The following APBB2 variants were observed in gnomAD, a reference collection of about 807,000 sequenced individuals.
The protein encoded by APBB2 is Fe65-like 1.
In APBB2, 38 loss-of-function variants were observed where a neutral mutation model predicts 82.5. That is an observed-to-expected ratio of 0.46 (90% CI 0.36 to 0.60). APBB2 has a LOEUF of 0.60. APBB2 is among the 20% of genes least tolerant of loss of function. The probability of loss-of-function intolerance (pLI) is 0.00; values close to 1 mark genes in which losing one functional copy is unlikely to be tolerated. For missense variants in APBB2, 772 were observed against 972.3 expected, an observed-to-expected ratio of 0.79 and a Z score of 2.74; for synonymous variants, 341 against 368.2, an observed-to-expected ratio of 0.93 and a Z score of 0.85.
intron 4 of APBB2, among the ~76,000 whole-genome samples, chr4:41,036,739 A>T (rs909315775): frequency 6.6e-6 from 1 of 152,210 alleles, no homozygotes; most frequent in Non-Finnish European, 1.5e-5. Flanking sequence ...AGGTAGATAA[A>T]CATTTATTAA....
chr4:40,948,038 A>T (rs1205373027), intron 6 of APBB2, among the ~76,000 whole-genome samples: 1 of 152,238 alleles, frequency 6.6e-6, no homozygotes, highest in Non-Finnish European at 1.5e-5. Flanking sequence ...GACTCCCAAG[A>T]CTTACTAACA....
chr4:41,072,638 A>G (rs1186029177), intron 3 of APBB2, among the ~76,000 whole-genome samples: 9 of 152,230 alleles, frequency 5.9e-5, no homozygotes, highest in African/African-American at 2.2e-4. Flanking sequence ...GGGAATTCAA[A>G]TAGTGTTCCT....
At chr4:40,973,078 C>G (rs1796345857) in intron 6 of APBB2, among the ~76,000 whole-genome samples, 1 of 152,202 alleles carries the variant, frequency 6.6e-6, no homozygotes. Context: ...ATACATACCC[C>G]TTTTATCCCA....
intron 12 of APBB2, among the ~76,000 whole-genome samples, chr4:40,863,085 G>T (rs1450950379): frequency 1.3e-5 from 2 of 152,198 alleles, no homozygotes; most frequent in Non-Finnish European, 2.9e-5. Flanking sequence ...TGGAGGATGG[G>T]ATGCTGCAGC....
At chr4:40,934,990 G>A in intron 8 of APBB2, 87 bp downstream of exon 8, 2 of 1,114,272 alleles carry the variant, frequency 1.8e-6, no homozygotes, top group Admixed American at 4.6e-5. Context: ...CAGAATGCAT[G>A]ATATTCACAA....
intron 2 of APBB2, among the ~76,000 whole-genome samples, chr4:41,104,959 A>G (rs1580072461): frequency 1.3e-5 from 2 of 152,294 alleles, no homozygotes; most frequent in South Asian, 2.1e-4. Context: ...CACTAGCAGC[A>G]TATTTAAGTG....
At chr4:41,030,425 C>A (rs1185366815) in intron 5 of APBB2, among the ~76,000 whole-genome samples, 6 of 152,158 alleles carry the variant, frequency 3.9e-5, no homozygotes, top group Non-Finnish European at 7.3e-5. Flanking sequence ...CAGGGTCTCA[C>A]TATGTTGCCC....
At chr4:40,981,828 G>C (rs1167559856) in intron 6 of APBB2, among the ~76,000 whole-genome samples, 2 of 152,092 alleles carry the variant, frequency 1.3e-5, no homozygotes, top group African/African-American at 4.8e-5. Context: ...AACTTGCCAG[G>C]CACAGTGGCT....
intron 1 of APBB2, among the ~76,000 whole-genome samples, chr4:41,201,325 G>A (rs182197182): frequency 6.6e-6 from 1 of 152,180 alleles, no homozygotes; most frequent in Admixed American, 6.5e-5. Flanking sequence ...AAAAGGGAGG[G>A]GAGACAGGTA....
At chr4:40,880,716 C>G in intron 12 of APBB2, 2 of 985,400 alleles carry the variant, frequency 2.0e-6, no homozygotes, top group Non-Finnish European at 2.4e-6. Flanking sequence ...CTTTGTCTGG[C>G]TCAGGACTCA....
At chr4:41,017,725 A>AC (rs889355627) in intron 5 of APBB2, among the ~76,000 whole-genome samples, 8 of 152,128 alleles carry the variant, frequency 5.3e-5, no homozygotes, top group African/African-American at 1.9e-4. Flanking sequence ...CCCCCAGATT[A>AC]CCCCCCACTC....
intron 1 of APBB2, among the ~76,000 whole-genome samples, chr4:41,210,348 C>T (rs1463745380): frequency 6.6e-6 from 1 of 152,176 alleles, no homozygotes; most frequent in Non-Finnish European, 1.5e-5. Context: ...GGCCCAGAGA[C>T]ATAACTGACT....
chr4:41,067,246 C>G (rs149923926), intron 3 of APBB2, among the ~76,000 whole-genome samples: 354 of 152,118 alleles, frequency 2.3e-3, no homozygotes, highest in African/African-American at 8.0e-3. Context: ...CCCATCTCTA[C>G]TAAAAATACA....
intron 1 of APBB2, among the ~76,000 whole-genome samples, chr4:41,143,378 T>C (rs1759780299): frequency 6.6e-6 from 1 of 152,214 alleles, no homozygotes; most frequent in Admixed American, 6.5e-5. Context: ...ATGCTCTGTT[T>C]GTGGGAAACT....
intron 6 of APBB2, among the ~76,000 whole-genome samples, chr4:40,964,101 C>T (rs1433434505): frequency 6.6e-6 from 1 of 152,138 alleles, no homozygotes; most frequent in Non-Finnish European, 1.5e-5. Flanking sequence ...CAACCCCCCA[C>T]CAACTTTCTG....
chr4:40,938,388 C>A (rs1006919493), intron 7 of APBB2, among the ~76,000 whole-genome samples: 44 of 152,202 alleles, frequency 2.9e-4, no homozygotes, highest in Non-Finnish European at 4.4e-4. Context: ...GAGCACCACA[C>A]GGAAGCTGTG....
intron 17 of APBB2, among the ~76,000 whole-genome samples, chr4:40,818,069 G>C (rs959556464): frequency 5.3e-5 from 8 of 152,136 alleles, no homozygotes; most frequent in Non-Finnish European, 2.9e-5. Context: ...GTCTTCTGTT[G>C]GGCCTATACC....
At chr4:40,902,087 C>T (rs1285020700) in intron 10 of APBB2, among the ~76,000 whole-genome samples, 1 of 152,080 alleles carries the variant, frequency 6.6e-6, no homozygotes, top group East Asian at 1.9e-4. Flanking sequence ...AGGTTTTGTT[C>T]AACTTCTTTC....
chr4:41,097,334 C>T (rs1743851546), intron 3 of APBB2, among the ~76,000 whole-genome samples: 1 of 152,158 alleles, frequency 6.6e-6, no homozygotes, highest in South Asian at 2.1e-4. Context: ...ATATGTCTGG[C>T]TACAGTAAAC....
Sources: gnomAD v4.1 joint callset for allele counts (sites outside exome capture counted in the v4.1 genomes callset) on GRCh38, gnomAD v4.1.1 for gene constraint, MANE v1.5 for transcripts, NCBI Gene and HGNC (gene_info 2026-07-23, HGNC 2026-07-21) for gene names.